Variants in CREB1 observed in about 807,000 individuals in gnomAD.
CREB1 encodes the protein cAMP responsive element binding protein 1.
In CREB1, 2 loss-of-function variants were observed where a neutral mutation model predicts 42.0. The observed-to-expected ratio is 0.05, with a 90% CI of 0.02 to 0.15. The LOEUF (loss-of-function observed/expected upper bound fraction) is 0.15. Ranked by LOEUF, CREB1 falls within the 10% of genes least tolerant of loss-of-function variation. The pLI is 1.00. For synonymous variants in CREB1, 123 were observed against 139.9 expected (o/e 0.88, Z 0.85); for missense variants, 199 against 388.9 (o/e 0.51, Z 4.11).
At chr2:207,550,426 G>T (rs966825799) in intron 1 of CREB1, 1 of 143,506 alleles carries the variant, frequency 7.0e-6, no homozygotes, top group Admixed American at 7.2e-5. Context: ...TCATTTCTTT[G>T]AATATTATCT....
chr2:207,545,853 C>G (rs2081285035), intron 1 of CREB1, among the ~76,000 whole-genome samples: 11 of 151,906 alleles, frequency 7.2e-5, no homozygotes, highest in Admixed American at 7.2e-4. Flanking sequence ...CCTGCCTCAG[C>G]CTCCCGAGTA....
chr2:207,537,534 T>A (rs1178544022), intron 1 of CREB1, among the ~76,000 whole-genome samples: 1 of 152,248 alleles, frequency 6.6e-6, no homozygotes, highest in African/African-American at 2.4e-5. Context: ...ACTGATAATG[T>A]GAACGTGGTT....
At chr2:207,587,392 C>CA (rs765065014) in intron 7 of CREB1, among the ~76,000 whole-genome samples, 835 of 82,572 alleles carry the variant, frequency 0.01, 6 homozygotes, top group African/African-American at 0.016. Context: ...GACTCCATCT[C>CA]AAAAAAAAAA....
intron 5 of CREB1, among the ~76,000 whole-genome samples, chr2:207,574,534 C>T (rs767774229): frequency 9.2e-5 from 14 of 152,114 alleles, no homozygotes; most frequent in Admixed American, 2.6e-4. Flanking sequence ...TATTGTTTAA[C>T]AAATGAATGA....
At chr2:207,589,896 T>C (rs2084635949) in intron 7 of CREB1, among the ~76,000 whole-genome samples, 1 of 152,156 alleles carries the variant, frequency 6.6e-6, no homozygotes, top group South Asian at 2.1e-4. Flanking sequence ...ATGGCTAATA[T>C]GGGATTTTAG....
At chr2:207,573,684 G>C (rs1311664693) in intron 5 of CREB1, among the ~76,000 whole-genome samples, 1 of 152,202 alleles carries the variant, frequency 6.6e-6, no homozygotes, top group African/African-American at 2.4e-5. Flanking sequence ...AGTGAGCTGT[G>C]ATCTTGCCAC....
chr2:207,571,771 G>T (rs1037888652), intron 5 of CREB1: 3 of 454,282 alleles, frequency 6.6e-6, no homozygotes, highest in African/African-American at 6.0e-5. Context: ...GTCAGTAACA[G>T]ATTCACTGTT....
rs576332570 is a variant in CREB1 at position 207,602,571 on chromosome 2, A to C, written c.*5513A>C. On this transcript the variant is annotated 3_prime_UTR_variant, in exon 8 of 8. Transcript: ENST00000353267. Reference sequence around the variant, plus strand: ...TGAGAGTAAATCTGAGTTAGCTTAAAAATTGGTAGGGAGGAAGAAAATCTC... The same window carrying C: ...TGAGAGTAAATCTGAGTTAGCTTAACAATTGGTAGGGAGGAAGAAAATCTC... 4.7e-6 allele frequency: 1 copy of C among 211,734 alleles called. No homozygotes were observed. The highest frequency in any genetic ancestry group is 1.9e-4 in the South Asian group (1 of 5,344). 13.1% of individuals were successfully genotyped at this position (211,734 alleles called of 1,614,324 possible).
chr2:207,553,145 T>C (rs1192759467), intron 1 of CREB1, among the ~76,000 whole-genome samples: 2 of 139,234 alleles, frequency 1.4e-5, no homozygotes, highest in East Asian at 4.4e-4. Flanking sequence ...GTTGGCTCAC[T>C]GCAACTTCTG....
rs1469747132 is a variant in CREB1 at position 207,604,234 on chromosome 2, C to T, written c.*7176C>T. On this transcript the variant is annotated 3_prime_UTR_variant, in exon 8 of 8. Coordinates refer to ENST00000353267, the MANE Select transcript of CREB1 (RefSeq NM_004379.5). ...AAGACCATCCTTGAGAAGTCACATC[C>T]AAAGATAAAATTCTGATCCATTTCT... 6.6e-6 allele frequency among the ~76,000 whole-genome samples: 1 copy of T among 152,158 alleles called. No homozygotes were observed. The highest frequency in any genetic ancestry group is 2.4e-5 in the African/African-American group (1 of 41,436).
At chr2:207,534,319 C>A (rs1258119606) in intron 1 of CREB1, among the ~76,000 whole-genome samples, 2 of 152,134 alleles carry the variant, frequency 1.3e-5, no homozygotes, top group Non-Finnish European at 2.9e-5. Flanking sequence ...TCACGGCAAC[C>A]TCTGCTTCCT....
rs1337080625 is a variant in CREB1 at position 207,600,991 on chromosome 2, CT to C, written c.*3934del. ...GTCAGCTATTACCATAAATTGGTCT[CT>C]GTTTATTTTGAAGATCACGGCTGCT... On this transcript the variant is annotated 3_prime_UTR_variant, in exon 8 of 8. Transcript: ENST00000353267. 5.5e-6 allele frequency: 1 copy of C among 182,642 alleles called. No individual in the cohort carries two copies. Among genetic ancestry groups the C allele is most frequent in the Non-Finnish European group, 1.1e-5 (1 of 89,074 alleles). The allele number at this position is 182,642 out of a possible 1,614,324, so 11.3% of individuals were successfully genotyped here.
At chr2:207,563,537 A>G (rs1188989105) in intron 3 of CREB1, among the ~76,000 whole-genome samples, 2 of 152,196 alleles carry the variant, frequency 1.3e-5, no homozygotes, top group African/African-American at 2.4e-5. Context: ...GCATACCTCA[A>G]ATGCACCTAG....
chr2:207,543,862 C>T (rs958984765), intron 1 of CREB1, among the ~76,000 whole-genome samples: 1 of 152,200 alleles, frequency 6.6e-6, no homozygotes, highest in African/African-American at 2.4e-5. Context: ...CTCAGCCTCC[C>T]AGAGTGCTGG....
chr2:207,591,568 G>T (rs1331593385), intron 7 of CREB1, among the ~76,000 whole-genome samples: 1 of 152,098 alleles, frequency 6.6e-6, no homozygotes. Context: ...AAATAGCTAG[G>T]ATTACAGGTG....
chr2:207,577,765 T>G (rs1406914407), intron 7 of CREB1, 110 bp downstream of exon 7: 16 of 1,367,666 alleles, frequency 1.2e-5, no homozygotes, highest in Non-Finnish European at 1.3e-5. Context: ...TTGAATTTTT[T>G]TTTTCCAGCA....
At chr2:207,549,557 A>G (rs2081420487) in intron 1 of CREB1, among the ~76,000 whole-genome samples, 1 of 152,198 alleles carries the variant, frequency 6.6e-6, no homozygotes. Context: ...AAATTAAGAC[A>G]TTTGAAGGAT....
chr2:207,539,999 T>C (rs2081030743), intron 1 of CREB1, among the ~76,000 whole-genome samples: 1 of 152,194 alleles, frequency 6.6e-6, no homozygotes, highest in South Asian at 2.1e-4. Context: ...AGGAATACAA[T>C]GATAAATTGG....
In CREB1 at chr2:207,538,019, A is replaced by C. The variant is rs555108265; in HGVS notation, c.-9+7885A>C. 9.8e-5 allele frequency among the ~76,000 whole-genome samples: 15 copies of C among 152,364 alleles called. No homozygotes were observed. The South Asian group carries it at 3.1e-3, about 32-fold the overall frequency. ...TATACACATTATACACATAGCCTGAAGGTAATTTTATACAAAATTTTTAAT... is the reference window on the plus strand; with the variant it reads ...TATACACATTATACACATAGCCTGACGGTAATTTTATACAAAATTTTTAAT... On this transcript the variant is annotated intron_variant, in intron 1 of 7. Coordinates refer to ENST00000353267, the MANE Select transcript of CREB1 (RefSeq NM_004379.5).
Sources: allele counts gnomAD v4.1 joint callset (sites outside exome capture counted in the v4.1 genomes callset), GRCh38; gene constraint gnomAD v4.1.1; transcripts MANE v1.5; gene names NCBI Gene and HGNC (gene_info 2026-07-23, HGNC 2026-07-21).